RBFOX1: variants seen among roughly 807,000 people sequenced by gnomAD.
RBFOX1 encodes RNA binding protein fox-1 homolog 1.
In RBFOX1, 8 loss-of-function variants were observed where a neutral mutation model predicts 57.7. The observed-to-expected ratio is 0.14, with a 90% CI of 0.08 to 0.25. The LOEUF is 0.25. Ranked by LOEUF, RBFOX1 falls within the 10% of genes least tolerant of loss-of-function variation. The pLI is 1.00. For synonymous variants in RBFOX1, 326 were observed against 222.4 expected, an observed-to-expected ratio of 1.47 and a Z score of -4.15; for missense variants, 611 against 548.5, an observed-to-expected ratio of 1.11 and a Z score of -1.14.
intron 2 of RBFOX1, among the ~76,000 whole-genome samples, chr16:6,605,640 C>T (rs997889817): frequency 3.3e-5 from 5 of 152,288 alleles, no homozygotes; most frequent in South Asian, 4.1e-4. Context: ...ACTTAATACT[C>T]GTTCATTGTT....
chr16:6,907,348 T>C (rs962106271), intron 3 of RBFOX1, among the ~76,000 whole-genome samples: 2 of 152,162 alleles, frequency 1.3e-5, no homozygotes, highest in Non-Finnish European at 1.5e-5. Flanking sequence ...AAACAGTGTA[T>C]CGAGCTGTCC....
intron 1 of RBFOX1, among the ~76,000 whole-genome samples, chr16:6,213,132 G>A (rs1257326085): frequency 6.6e-6 from 1 of 152,116 alleles, no homozygotes. Flanking sequence ...TTGTTATTGA[G>A]TTTGATGTCT....
In RBFOX1 at chr16:7,607,346, G is replaced by T. The variant is rs1420024348; in HGVS notation, c.676+8G>T. On this transcript the variant is annotated splice_region_variant and intron_variant, in intron 10 of 15. Coordinates refer to ENST00000550418, the MANE Select transcript of RBFOX1 (RefSeq NM_018723.4). The stretch of plus-strand genomic sequence containing the variant: ...GTCCCGAATTCTATGCAGGTACAGA[G>T]TTTCTCTTTGCACGAAGTCTTCTCA... 6.2e-7 allele frequency: 1 copy of T among 1,607,520 alleles called. No individual in the cohort carries two copies. Among genetic ancestry groups the T allele is most frequent in the Admixed American group, 1.7e-5 (1 of 58,318 alleles).
At chr16:5,770,953 C>G (rs911368604) in intron 3 of RBFOX1, among the ~76,000 whole-genome samples, 1 of 152,178 alleles carries the variant, frequency 6.6e-6, no homozygotes, top group Non-Finnish European at 1.5e-5. Flanking sequence ...CAGGTGAACT[C>G]TGTTTCCTGT....
At position 7,112,694 on chromosome 16, in the gene RBFOX1, CTCTG is replaced by C. The variant is rs893259917; in HGVS notation, c.27+60607_27+60610del. On this transcript the variant is annotated intron_variant, in intron 4 of 15. Coordinates refer to ENST00000550418, the MANE Select transcript of RBFOX1 (RefSeq NM_018723.4). ...TGTGTGTGTGGGTGTGGGTGTGTCT[CTCTG>C]TCTGTCTGTCCGCAAATGGGTCAAA... Among the ~76,000 whole-genome samples, 612 of 143,750 alleles carry C rather than the reference CTCTG, an allele frequency of 4.3e-3. 6 individuals carry two copies. Among genetic ancestry groups the C allele is most frequent in the African/African-American group, 0.015 (572 of 38,096 alleles). 94.3% of individuals were successfully genotyped at this position (143,750 alleles called of 152,430 possible).
Position 6,875,862 on chromosome 16 carries a change from G to A in RBFOX1, c.-15-176195G>A, listed in dbSNP as rs140327734. Among the ~76,000 whole-genome samples the A allele has an allele frequency of 1.6e-4, 24 of 152,244 alleles. No homozygotes were observed. In the East Asian group the frequency reaches 4.6e-3, roughly 29 times the overall value. On this transcript the variant is annotated intron_variant, in intron 3 of 15. Transcript: ENST00000550418. ...TCTACAAAAAAATTAGCCAGTCATGGTGGTCCATGCGTGGAATCCAGGCTA... is the reference window on the plus strand; with the variant it reads ...TCTACAAAAAAATTAGCCAGTCATGATGGTCCATGCGTGGAATCCAGGCTA...
chr16:6,870,630 A>G (rs1437903608), intron 3 of RBFOX1, among the ~76,000 whole-genome samples: 1 of 152,224 alleles, frequency 6.6e-6, no homozygotes, highest in East Asian at 1.9e-4. Flanking sequence ...CATAATGTAG[A>G]TGAGCAGAAA....
intron 5 of RBFOX1, among the ~76,000 whole-genome samples, chr16:7,565,447 A>G (rs1244568446): frequency 1.3e-5 from 2 of 152,184 alleles, no homozygotes; most frequent in African/African-American, 4.8e-5. Flanking sequence ...AGCTTACAGT[A>G]CAATGTATTG....
chr16:7,035,677 A>G (rs780604246), intron 3 of RBFOX1, among the ~76,000 whole-genome samples: 1 of 152,172 alleles, frequency 6.6e-6, no homozygotes, highest in Non-Finnish European at 1.5e-5. Context: ...CCTGATGATG[A>G]TAAAGTAAAC....
At chr16:7,444,055 T>G (rs993343662) in intron 4 of RBFOX1, among the ~76,000 whole-genome samples, 1 of 152,210 alleles carries the variant, frequency 6.6e-6, no homozygotes, top group Non-Finnish European at 1.5e-5. Flanking sequence ...GAGGTGCTAA[T>G]ATACATGGAA....
intron 4 of RBFOX1, among the ~76,000 whole-genome samples, chr16:6,008,941 G>A (rs369873277): frequency 2.0e-4 from 31 of 152,250 alleles, no homozygotes; most frequent in East Asian, 3.9e-4. Flanking sequence ...TCAAATAGAC[G>A]GATGGCTTTC....
At chr16:7,134,578 A>G (rs1201496290) in intron 4 of RBFOX1, among the ~76,000 whole-genome samples, 1 of 152,140 alleles carries the variant, frequency 6.6e-6, no homozygotes, top group Admixed American at 6.6e-5. Context: ...TTTCTTAATT[A>G]TATCATTGAT....
chr16:6,660,333 C>T (rs1279158851), intron 3 of RBFOX1, among the ~76,000 whole-genome samples: 1 of 152,028 alleles, frequency 6.6e-6, no homozygotes, highest in East Asian at 1.9e-4. Context: ...TGCAGCCAAC[C>T]ACTATGACAC....
chr16:5,917,859 C>T (rs1383185262), intron 4 of RBFOX1, among the ~76,000 whole-genome samples: 1 of 152,088 alleles, frequency 6.6e-6, no homozygotes, highest in African/African-American at 2.4e-5. Flanking sequence ...AGGGTCTAGC[C>T]CCTGGTCCCC....
At chr16:6,610,843 T>C (rs555609533) in intron 2 of RBFOX1, among the ~76,000 whole-genome samples, 21 of 152,320 alleles carry the variant, frequency 1.4e-4, no homozygotes, top group Non-Finnish European at 2.5e-4. Flanking sequence ...ATACCACTTA[T>C]GAATTGACTG....
In RBFOX1 at chr16:7,498,350, C is replaced by G. The variant is rs117317646; in HGVS notation, c.28-19797C>G. Among the ~76,000 whole-genome samples the G allele has an allele frequency of 7.0e-3, 1,062 of 152,216 alleles. 2 individuals are homozygous for G. Among genetic ancestry groups the G allele is most frequent in the Middle Eastern group, 0.02 (6 of 294 alleles). On this transcript the variant is annotated intron_variant, in intron 4 of 15. Coordinates refer to ENST00000550418, the MANE Select transcript of RBFOX1 (RefSeq NM_018723.4). ...GAACTAGCTAATGGTGTACATGGGT[C>G]TCACTCAGCCTCTATGACACCTGAA...
At chr16:6,047,889 C>A (rs542883287) in intron 1 of RBFOX1, among the ~76,000 whole-genome samples, 4 of 152,102 alleles carry the variant, frequency 2.6e-5, no homozygotes, top group African/African-American at 9.7e-5. Flanking sequence ...GATTTTCTTA[C>A]GGTTTCACAG....
intron 4 of RBFOX1, among the ~76,000 whole-genome samples, chr16:7,309,326 G>T (rs375685489): frequency 3.9e-5 from 6 of 152,238 alleles, no homozygotes; most frequent in African/African-American, 1.2e-4. Context: ...GGAGGGCCGC[G>T]TGTTGTGGAC....
At chr16:7,332,444 ATCT>A (rs1403458612) in intron 4 of RBFOX1, among the ~76,000 whole-genome samples, 1 of 152,216 alleles carries the variant, frequency 6.6e-6, no homozygotes, top group Non-Finnish European at 1.5e-5. Flanking sequence ...TAGACTGAAT[ATCT>A]TCTTATTTTT....
Sources: allele counts gnomAD v4.1 joint callset (sites outside exome capture counted in the v4.1 genomes callset), GRCh38; gene constraint gnomAD v4.1.1; transcripts MANE v1.5; gene names NCBI Gene and HGNC (gene_info 2026-07-23, HGNC 2026-07-21).